The following MFSD1 variants were observed in gnomAD, a reference collection of about 807,000 sequenced individuals.
MFSD1 encodes major facilitator superfamily domain containing 1.
In MFSD1, 59 loss-of-function variants were observed where a neutral mutation model predicts 67.1. That is an observed-to-expected ratio of 0.88 (90% CI 0.71 to 1.09). The LOEUF is 1.09. MFSD1 is among the 50% of genes least tolerant of loss of function. The pLI, the probability that MFSD1 is intolerant of heterozygous loss-of-function variation, is 0.00. For missense variants in MFSD1, 552 were observed against 566.1 expected (o/e 0.97, Z 0.25); for synonymous variants, 213 against 200.3 (o/e 1.06, Z -0.54).
At chr3:158,808,963 T>C (rs1360693677) in intron 5 of MFSD1, 3 of 427,564 alleles carry the variant, frequency 7.0e-6, no homozygotes, top group African/African-American at 6.1e-5. Context: ...AAAGGTGATG[T>C]CACCTTTTAT....
At chr3:158,812,928 T>A (rs1296197381) in intron 6 of MFSD1, among the ~76,000 whole-genome samples, 1 of 152,086 alleles carries the variant, frequency 6.6e-6, no homozygotes, top group Non-Finnish European at 1.5e-5. Context: ...GGCTGTTCCT[T>A]CTGCCTGGAG....
chr3:158,821,495 G>C, intron 9 of MFSD1, 102 bp from the exon 10 acceptor site: 1 of 748,230 alleles, frequency 1.3e-6, no homozygotes, highest in Non-Finnish European at 2.3e-6. Context: ...ATAATATCAA[G>C]AAAGAAGCTG....
At chr3:158,828,853 A>G (rs1731143186) in intron 15 of MFSD1, 126 bp from the exon 16 acceptor site, 1 of 812,136 alleles carries the variant, frequency 1.2e-6, no homozygotes, top group South Asian at 3.2e-5. Flanking sequence ...AATTGCTCAG[A>G]AAAAAAATGT....
At chr3:158,816,612 C>T (rs1341739320) in intron 7 of MFSD1, among the ~76,000 whole-genome samples, 4 of 151,092 alleles carry the variant, frequency 2.6e-5, no homozygotes, top group Non-Finnish European at 5.9e-5. Context: ...CCTGTTCACT[C>T]TGATGGTAGT....
At chr3:158,805,652 C>T (rs576300736) in intron 3 of MFSD1, among the ~76,000 whole-genome samples, 178 bp downstream of exon 3, 1 of 152,256 alleles carries the variant, frequency 6.6e-6, no homozygotes, top group African/African-American at 2.4e-5. Context: ...CGTGGTATTT[C>T]AGTTAAGGTC....
chr3:158,825,080 C>G (rs886851112), intron 13 of MFSD1: 7 of 152,170 alleles, frequency 4.6e-5, no homozygotes, highest in African/African-American at 1.7e-4. Context: ...GGTTAAATGT[C>G]AGTCCACAGT....
At chr3:158,817,553 A>G (rs1345240682) in intron 7 of MFSD1, among the ~76,000 whole-genome samples, 5 of 152,156 alleles carry the variant, frequency 3.3e-5, no homozygotes, top group East Asian at 1.9e-4. Flanking sequence ...GGATGTGAAG[A>G]ACCTCTTCAA....
intron 12 of MFSD1, among the ~76,000 whole-genome samples, chr3:158,823,835 A>G (rs562313419): frequency 1.3e-5 from 2 of 152,174 alleles, no homozygotes; most frequent in Admixed American, 6.5e-5. Flanking sequence ...AGAGGGGGGA[A>G]ACCGCACCTG....
chr3:158,821,879 T>A, intron 10 of MFSD1, 105 bp from the exon 11 acceptor site: 1 of 1,248,298 alleles, frequency 8.0e-7, no homozygotes, highest in African/African-American at 1.5e-5. Flanking sequence ...TATAAGAATG[T>A]TAAATGAGTT....
chr3:158,806,954 G>A, intron 3 of MFSD1, 86 bp from the exon 4 acceptor site: 2 of 1,137,120 alleles, frequency 1.8e-6, no homozygotes, highest in Non-Finnish European at 2.5e-6. Flanking sequence ...AAAGGACTTT[G>A]TGATTACTAA....
chr3:158,826,019 A>T lies in MFSD1; in HGVS notation c.1293A>T (p.Ser431=). The change falls in exon 14 of 16, where the codon TCA becomes TCT. Residue 431 remains serine (S), a synonymous_variant. Transcript: ENST00000415822. ...EVFFIACVSL[S]LLSVVLLYLV... is the part of the protein sequence containing the mutation. Reference sequence around the variant, plus strand: ...CCTATGTTTTTTCACTCCTAGTGTCACTTTTATCTGTGGTCTTACTCTATT... The same window carrying T: ...CCTATGTTTTTTCACTCCTAGTGTCTCTTTTATCTGTGGTCTTACTCTATT... The T allele has an allele frequency of 6.2e-7, 1 of 1,612,908 alleles. No homozygotes were observed. The highest frequency in any genetic ancestry group is 8.5e-7 in the Non-Finnish European group (1 of 1,179,040).
intron 3 of MFSD1, among the ~76,000 whole-genome samples, chr3:158,806,139 A>G (rs1729714080): frequency 6.6e-6 from 1 of 152,236 alleles, no homozygotes; most frequent in Admixed American, 6.5e-5. Flanking sequence ...TCTTCAAACC[A>G]TGTCTGGTGG....
At position 158,818,740 on chromosome 3, in the gene MFSD1, A is replaced by G. The variant is rs147280758; in HGVS notation, c.653-909A>G. Among the ~76,000 whole-genome samples the G allele has an allele frequency of 2.5e-3, 374 of 152,216 alleles. 1 individual carries two copies. The highest frequency in any genetic ancestry group is 8.4e-3 in the African/African-American group (347 of 41,542). Reference sequence around the variant, plus strand: ...GATTCTTTCAAACTCTCCCTCTCAAATCCTTTGCCTTACTTAAAACCTCCT... The same window carrying G: ...GATTCTTTCAAACTCTCCCTCTCAAGTCCTTTGCCTTACTTAAAACCTCCT... On this transcript the variant is annotated intron_variant, in intron 7 of 15. Transcript: ENST00000415822.
intron 6 of MFSD1, among the ~76,000 whole-genome samples, chr3:158,811,367 A>G (rs868642540): frequency 6.6e-6 from 1 of 152,246 alleles, no homozygotes. Context: ...CCAAGTGGAA[A>G]TGTTGAGTAG....
intron 1 of MFSD1, chr3:158,802,602 C>A (rs1210900460): frequency 1.5e-6 from 1 of 675,678 alleles, no homozygotes; most frequent in East Asian, 2.9e-5. Flanking sequence ...GCCCTAGAGG[C>A]GATAGATATG....
intron 2 of MFSD1, among the ~76,000 whole-genome samples, chr3:158,805,157 G>A (rs1451038231): frequency 6.6e-6 from 1 of 152,160 alleles, no homozygotes; most frequent in Non-Finnish European, 1.5e-5. Flanking sequence ...AGGGTTCCCA[G>A]GTGTGACCAT....
Position 158,822,077 on chromosome 3 carries a change from A to G in MFSD1, c.1014A>G (p.Val338=), listed in dbSNP as rs1730708543. ...GKNIIWVLCA[V]AATLVSHMML... is the part of the protein sequence containing the mutation. ...ACATCATCTGGGTTCTTTGCGCAGT[A>G]GCAGCCACTCTTGTGTCCCACATGA... The change falls in exon 11 of 16, where the codon GTA becomes GTG. Residue 338 remains valine (V), a synonymous_variant. Coordinates refer to ENST00000415822, the MANE Select transcript of MFSD1 (RefSeq NM_022736.4). The G allele has an allele frequency of 2.5e-6, 4 of 1,613,878 alleles. No individual in the cohort carries two copies. Among genetic ancestry groups the G allele is most frequent in the East Asian group, 2.2e-5 (1 of 44,888 alleles).
In MFSD1 at chr3:158,805,406, G is replaced by A. The variant is rs763833593; in HGVS notation, c.261G>A (p.Trp87Ter). Residue 87 changes from tryptophan to a stop codon, truncating the protein, a stop_gained, in exon 3 of 16, where the codon TGG becomes TGA. Transcript: ENST00000415822. LOFTEE classifies it high-confidence loss of function. ...NTTKFMLLYAWYSWPNVVLCF... is the reference protein window; with the variant it reads ...NTTKFMLLYA ...CGAAATTCATGCTGCTGTATGCCTG[G>A]TATTCTTGGCCCAATGTAGTTTTGT... is the stretch of plus-strand genomic sequence containing the variant. 1.2e-6 allele frequency: 2 copies of A among 1,614,044 alleles called. No homozygotes were observed. The highest frequency in any genetic ancestry group is 4.5e-5 in the East Asian group (2 of 44,866).
At chr3:158,807,486 T>A in intron 5 of MFSD1, 23 bp downstream of exon 5, 1 of 1,529,414 alleles carries the variant, frequency 6.5e-7, no homozygotes, top group Non-Finnish European at 9.1e-7. Flanking sequence ...TAATTTAATT[T>A]ATCCTAATGT....
Sources: gnomAD v4.1 joint callset for allele counts (sites outside exome capture counted in the v4.1 genomes callset) on GRCh38, gnomAD v4.1.1 for gene constraint, MANE v1.5 for transcripts, NCBI Gene and HGNC (gene_info 2026-07-23, HGNC 2026-07-21) for gene names.